The following LSS variants were observed in gnomAD, a reference collection of about 807,000 sequenced individuals.
LSS encodes 2,3-epoxysqualene-lanosterol cyclase.
Under a neutral mutation model 110.3 loss-of-function variants are expected in LSS, and 90 were observed. The ratio of observed to expected loss-of-function variants is 0.82; its 90% CI spans 0.69 to 0.97. The LOEUF is 0.97. Ranked by LOEUF, LSS falls within the 50% of genes least tolerant of loss-of-function variation. The pLI is 0.00. For synonymous variants in LSS, 433 were observed against 400.0 expected (o/e 1.08, Z -0.98); for missense variants, 927 against 990.0 (o/e 0.94, Z 0.85).
At chr21:46,204,721 T>C (rs1390601264) in intron 17 of LSS, among the ~76,000 whole-genome samples, 1 of 152,156 alleles carries the variant, frequency 6.6e-6, no homozygotes, top group Middle Eastern at 3.2e-3. Context: ...TTTCCGGTAA[T>C]TTTTCCCAAA....
At chr21:46,214,389 A>G (rs1402678031) in intron 9 of LSS, among the ~76,000 whole-genome samples, 1 of 152,202 alleles carries the variant, frequency 6.6e-6, no homozygotes, top group Non-Finnish European at 1.5e-5. Context: ...CCCACAAAGA[A>G]CCACATCACT....
chr21:46,188,768 T>G lies in LSS; in HGVS notation c.*2336A>C, dbSNP rs765876830. ...GATACTGACACTGAAGTCCTGCCTGTGTAATAACACCGAAGAGGGCAGGGA... is the reference window on the plus strand; with the variant it reads ...GATACTGACACTGAAGTCCTGCCTGGGTAATAACACCGAAGAGGGCAGGGA... On this transcript the variant is annotated 3_prime_UTR_variant, in exon 22 of 22. Coordinates refer to ENST00000397728, the MANE Select transcript of LSS (RefSeq NM_002340.6). 1 of 471,326 alleles carries G rather than the reference T, an allele frequency of 2.1e-6. No individual in the cohort carries two copies. 29.2% of individuals were successfully genotyped at this position (471,326 alleles called of 1,614,324 possible). A position where few individuals can be genotyped will look rare whatever the true frequency, so the allele number is the denominator to read the frequency against.
intron 17 of LSS, 121 bp downstream of exon 17, chr21:46,205,715 G>C: frequency 1.4e-6 from 1 of 698,168 alleles, no homozygotes; most frequent in Non-Finnish European, 2.4e-6. Context: ...GAAGCCTCTT[G>C]CATGTTTCCA....
rs190227570 is a variant in LSS at position 46,190,288 on chromosome 21, A to G, written c.*816T>C. ...GTCCCCTGTGCATTTCTGTGTCCAC[A>G]AGACTACTATAAACCCTGTAGACAC... On this transcript the variant is annotated 3_prime_UTR_variant, in exon 22 of 22. Coordinates refer to ENST00000397728, the MANE Select transcript of LSS (RefSeq NM_002340.6). This position sits in a 1 kb window ranked among gnomAD's most constrained non-coding sequence, Gnocchi z 4.6. 225 of 169,222 alleles carry G rather than the reference A, an allele frequency of 1.3e-3. 3 individuals are homozygous for G. The highest frequency in any genetic ancestry group is 2.5e-3 in the Non-Finnish European group (193 of 78,610). 10.5% of individuals were successfully genotyped at this position (169,222 alleles called of 1,614,324 possible). A position where few individuals can be genotyped will look rare whatever the true frequency, so the allele number is the denominator to read the frequency against.
chr21:46,194,497 G>A lies in LSS; in HGVS notation c.1982C>T (p.Ala661Val). ...ACGGTCCCGTCGTCCCCACCGAACGGCCATCAGCCCCATCATGGCCCAGCA... is the reference window on the plus strand; with the variant it reads ...ACGGTCCCGTCGTCCCCACCGAACGACCATCAGCCCCATCATGGCCCAGCA... ...NTCWAMMGLM[A>V]VRHPDIEAQE... Residue 661 changes from alanine (A) to valine (V), a missense_variant, in exon 20 of 22, where the codon GCC becomes GTC. Coordinates refer to ENST00000397728, the MANE Select transcript of LSS (RefSeq NM_002340.6). The A allele has an allele frequency of 2.5e-6, 4 of 1,613,522 alleles. No individual in the cohort carries two copies. Among genetic ancestry groups the A allele is most frequent in the South Asian group, 2.2e-5 (2 of 91,078 alleles).
chr21:46,218,315 A>G (rs1446496750), intron 6 of LSS, among the ~76,000 whole-genome samples: 1 of 114,692 alleles, frequency 8.7e-6, no homozygotes, highest in Non-Finnish European at 1.9e-5. Flanking sequence ...CTTTCAATAG[A>G]TAGCCATAAA....
At chr21:46,212,133 A>G (rs909043141) in intron 11 of LSS, among the ~76,000 whole-genome samples, 1 of 152,196 alleles carries the variant, frequency 6.6e-6, no homozygotes, top group Non-Finnish European at 1.5e-5. Flanking sequence ...TCCACTTTAC[A>G]TGTGTTTTGA....
At position 46,190,835 on chromosome 21, in the gene LSS, CCTCCTCAGGGGTCACGG is replaced by C. The variant is rs1569013013; in HGVS notation, c.*252_*268del. 12 of 473,188 alleles carry C rather than the reference CCTCCTCAGGGGTCACGG, an allele frequency of 2.5e-5. No homozygotes were observed. Among genetic ancestry groups the C allele is most frequent in the Non-Finnish European group, 4.2e-5 (11 of 264,212 alleles). The allele number at this position is 473,188 out of a possible 1,614,324, so 29.3% of individuals were successfully genotyped here. A position where few individuals can be genotyped will look rare whatever the true frequency, so the allele number is the denominator to read the frequency against. ...CCCAGAGGTGGCAGAAGGCGCTGTG[CCTCCTCAGGGGTCACGG>C]CTCCTGTGCCCCCTTCCTCACCCAA... On this transcript the variant is annotated 3_prime_UTR_variant, in exon 22 of 22. Coordinates refer to ENST00000397728, the MANE Select transcript of LSS (RefSeq NM_002340.6). This position sits in a 1 kb window ranked among gnomAD's most constrained non-coding sequence, Gnocchi z 4.6.
At chr21:46,215,614 T>C in intron 8 of LSS, 71 bp downstream of exon 8, 1 of 1,076,242 alleles carries the variant, frequency 9.3e-7, no homozygotes, top group South Asian at 1.5e-5. Flanking sequence ...AGGGGATGAG[T>C]GCGTGAATGA....
chr21:46,213,642 C>A lies in LSS; in HGVS notation c.1109+96G>T, dbSNP rs534399934. The stretch of plus-strand genomic sequence containing the variant: ...TGGAGGTATTCCCTGGCAGTATTCC[C>A]AGATGGCACCGTGGGGGCCCCCTCA... On this transcript the variant is annotated intron_variant, in intron 10 of 21. Coordinates refer to ENST00000397728, the MANE Select transcript of LSS (RefSeq NM_002340.6). 5.8e-5 allele frequency: 53 copies of A among 920,062 alleles called. No homozygotes were observed. In the African/African-American group the frequency reaches 8.2e-4, roughly 14 times the overall value. 57.0% of individuals were successfully genotyped at this position (920,062 alleles called of 1,614,324 possible).
chr21:46,224,656 G>C (rs1270213037), intron 3 of LSS: 2 of 152,308 alleles, frequency 1.3e-5, no homozygotes, highest in African/African-American at 4.8e-5. Flanking sequence ...TACAGGCAAG[G>C]AAACTGAGGC....
chr21:46,194,432 A>G, intron 20 of LSS, 59 bp downstream of exon 20: 1 of 1,594,958 alleles, frequency 6.3e-7, no homozygotes. Flanking sequence ...ACCGGCTCAC[A>G]GCTGAGTGTC....
At chr21:46,225,832 C>A (rs537604168) in intron 3 of LSS, among the ~76,000 whole-genome samples, 2 of 152,270 alleles carry the variant, frequency 1.3e-5, no homozygotes, top group Non-Finnish European at 2.9e-5. Flanking sequence ...TTACCCTGCC[C>A]CTTTGTCTTG....
At chr21:46,212,131 A>G (rs1234992539) in intron 11 of LSS, among the ~76,000 whole-genome samples, 2 of 152,212 alleles carry the variant, frequency 1.3e-5, no homozygotes, top group African/African-American at 4.8e-5. Context: ...CCTCCACTTT[A>G]CATGTGTTTT....
In LSS at chr21:46,196,250, C is replaced by A. The variant is rs762478332; in HGVS notation, c.1688G>T (p.Gly563Val). 1 of 1,614,156 alleles carries A rather than the reference C, an allele frequency of 6.2e-7. No homozygotes were observed. The highest frequency in any genetic ancestry group is 8.5e-7 in the Non-Finnish European group (1 of 1,180,028). The change falls in exon 18 of 22, where the codon GGC becomes GTC. Residue 563 changes from glycine to valine, a missense_variant. Gly to Val is a moderately radical substitution (Grantham distance 109). Transcript: ENST00000397728. Reference sequence around the variant, plus strand: ...CTGCTGCCGCCGACAGAACTCTAAGCCCTGCGTGAGGGTCTCCCTGGAACA... The same window carrying A: ...CTGCTGCCGCCGACAGAACTCTAAGACCTGCGTGAGGGTCTCCCTGGAACA... ...AAEIRETLTQ[G>V]LEFCRRQQRA...
In LSS at chr21:46,228,661, C is replaced by A. The variant is rs766257189; in HGVS notation, c.15-62G>T. ...CCCAACGCCGGCCGCCGGCCCACTG[C>A]CCCAGTCGCGCTCTCCTCAGCACCT... On this transcript the variant is annotated intron_variant, in intron 1 of 21. Transcript: ENST00000397728. 4 of 1,598,264 alleles carry A rather than the reference C, an allele frequency of 2.5e-6. No individual in the cohort carries two copies. In the East Asian group the frequency reaches 9.0e-5, roughly 36 times the overall value.
intron 20 of LSS, 132 bp downstream of exon 20, chr21:46,194,359 C>A: frequency 9.2e-7 from 1 of 1,090,746 alleles, no homozygotes. Flanking sequence ...TGTCTGTTCC[C>A]AGAGTGGCAG....
At chr21:46,195,643 C>G in intron 19 of LSS, 33 bp downstream of exon 19, 2 of 1,566,070 alleles carry the variant, frequency 1.3e-6, no homozygotes, top group Non-Finnish European at 1.8e-6. Context: ...GGGTTGAGAA[C>G]CCCCACCCAC....
intron 12 of LSS, 138 bp downstream of exon 12, chr21:46,210,550 C>G: frequency 1.1e-6 from 1 of 881,844 alleles, no homozygotes. Flanking sequence ...CCTCTGAAGC[C>G]AGAGGCCAGA....
Sources: gnomAD v4.1 joint callset for allele counts (sites outside exome capture counted in the v4.1 genomes callset) on GRCh38, gnomAD v4.1.1 for gene constraint, Gnocchi (gnomAD v3.1) non-coding constraint, MANE v1.5 for transcripts, NCBI Gene and HGNC (gene_info 2026-07-23, HGNC 2026-07-21) for gene names.